The following KANSL2 variants were observed in gnomAD, a reference collection of about 807,000 sequenced individuals.
The protein encoded by KANSL2 is KAT8 regulatory NSL complex subunit 2.
Under a neutral mutation model 55.6 loss-of-function variants are expected in KANSL2, and 34 were observed. The ratio of observed to expected loss-of-function variants is 0.61; its 90% CI spans 0.46 to 0.81. The LOEUF (loss-of-function observed/expected upper bound fraction) is 0.81. KANSL2 is among the 40% of genes least tolerant of loss of function. The pLI is 0.00. For synonymous variants in KANSL2, 209 were observed against 214.3 expected, an observed-to-expected ratio of 0.98 and a Z score of 0.22; for missense variants, 502 against 609.9, an observed-to-expected ratio of 0.82 and a Z score of 1.86.
chr12:48,671,315 T>A (rs1480980205), intron 5 of KANSL2, among the ~76,000 whole-genome samples: 1 of 150,716 alleles, frequency 6.6e-6, no homozygotes, highest in Non-Finnish European at 1.5e-5. Flanking sequence ...TACAGTAAGC[T>A]AAGGGTTAAT....
intron 7 of KANSL2, among the ~76,000 whole-genome samples, chr12:48,666,442 C>G (rs946616641): frequency 8.6e-5 from 13 of 151,276 alleles, no homozygotes; most frequent in Non-Finnish European, 1.8e-4. Context: ...CCTGTAATCC[C>G]AACACTTTGG....
chr12:48,679,375 A>C (rs1565610202), intron 3 of KANSL2: 1 of 621,376 alleles, frequency 1.6e-6, no homozygotes, highest in Non-Finnish European at 2.8e-6. Flanking sequence ...CTCAAACAGA[A>C]AAATCAACTT....
At chr12:48,668,492 G>A (rs1026847417) in intron 6 of KANSL2, among the ~76,000 whole-genome samples, 1 of 152,140 alleles carries the variant, frequency 6.6e-6, no homozygotes, top group Non-Finnish European at 1.5e-5. Flanking sequence ...TGGACATAGG[G>A]AGTTCAAGAC....
intron 7 of KANSL2, chr12:48,661,282 G>T: frequency 1.4e-6 from 1 of 730,764 alleles, no homozygotes; most frequent in Non-Finnish European, 1.7e-6. Flanking sequence ...AAGGCCCATT[G>T]AAAAAAAAAA....
At chr12:48,667,883 G>C in intron 6 of KANSL2, 94 bp from the exon 7 acceptor site, 4 of 909,020 alleles carry the variant, frequency 4.4e-6, no homozygotes, top group South Asian at 3.0e-5. Flanking sequence ...CATCCTAAAG[G>C]CTAGAAATTC....
At chr12:48,681,822 G>A in intron 1 of KANSL2, 181 bp from the exon 2 acceptor site, 1 of 755,334 alleles carries the variant, frequency 1.3e-6, no homozygotes, top group Non-Finnish European at 2.3e-6. Context: ...TCCCTTTAGC[G>A]TGTCCCTCCA....
chr12:48,660,729 A>G, intron 7 of KANSL2, 110 bp from the exon 8 acceptor site: 6 of 1,104,082 alleles, frequency 5.4e-6, no homozygotes, highest in Non-Finnish European at 7.6e-6. Flanking sequence ...AAGATAAATT[A>G]CAACTACATT....
At chr12:48,669,917 C>A (rs917026576) in intron 5 of KANSL2, among the ~76,000 whole-genome samples, 9 of 152,106 alleles carry the variant, frequency 5.9e-5, no homozygotes, top group African/African-American at 2.2e-4. Context: ...AAGTCTAGCA[C>A]AGGCTGGACA....
At chr12:48,656,685 A>C in intron 8 of KANSL2, 1 of 518,052 alleles carries the variant, frequency 1.9e-6, no homozygotes, top group Non-Finnish European at 3.9e-6. Context: ...TTCGCACTGG[A>C]ATACTGAATA....
chr12:48,653,328 T>C lies in KANSL2; in HGVS notation c.*716A>G, dbSNP rs1272517665. On this transcript the variant is annotated 3_prime_UTR_variant, in exon 10 of 10. Transcript: ENST00000420613. ...CTTCTTGGGATGGAAGTATCATCTG[T>C]CCCAACTTCCCTTTCCCATCAGAGA... 1 of 152,622 alleles carries C rather than the reference T, an allele frequency of 6.6e-6. No homozygotes were observed. Among genetic ancestry groups the C allele is most frequent in the East Asian group, 1.9e-4 (1 of 5,204 alleles). The allele number at this position is 152,622 out of a possible 1,614,324, so 9.5% of individuals were successfully genotyped here.
intron 3 of KANSL2, 147 bp downstream of exon 3, chr12:48,679,508 G>T: frequency 1.5e-6 from 1 of 678,580 alleles, no homozygotes; most frequent in Admixed American, 3.0e-5. Context: ...CAAAAGAACT[G>T]GTAAACAACA....
At chr12:48,669,662 T>A (rs1297037851) in intron 5 of KANSL2, among the ~76,000 whole-genome samples, 2 of 151,632 alleles carry the variant, frequency 1.3e-5, no homozygotes, top group African/African-American at 2.4e-5. Context: ...GGACTACAGG[T>A]GCCCGCCACC....
intron 1 of KANSL2, chr12:48,681,861 G>C (rs1246260241): frequency 1.7e-5 from 12 of 705,338 alleles, no homozygotes; most frequent in Non-Finnish European, 2.8e-5. Context: ...ACCACACCAC[G>C]CTGAATGTAT....
intron 8 of KANSL2, among the ~76,000 whole-genome samples, chr12:48,657,328 G>A (rs1248614983): frequency 6.6e-6 from 1 of 152,158 alleles, no homozygotes; most frequent in Non-Finnish European, 1.5e-5. Context: ...AGGACACTGA[G>A]GCAGGAGAAT....
intron 6 of KANSL2, 62 bp downstream of exon 6, chr12:48,669,044 G>C: frequency 7.4e-7 from 1 of 1,345,558 alleles, no homozygotes; most frequent in Non-Finnish European, 9.8e-7. Flanking sequence ...ACTCCGTCTC[G>C]AAAAAATAAA....
intron 9 of KANSL2, chr12:48,654,424 C>A (rs538057649): frequency 1.1e-5 from 8 of 726,370 alleles, no homozygotes; most frequent in Non-Finnish European, 1.8e-5. Context: ...TACTGAGGTC[C>A]CAGAACAGCC....
intron 7 of KANSL2, among the ~76,000 whole-genome samples, chr12:48,666,581 T>C (rs969957789): frequency 1.3e-5 from 2 of 151,646 alleles, no homozygotes; most frequent in Non-Finnish European, 2.9e-5. Flanking sequence ...TAATCCCAGC[T>C]ACTCAGGAGG....
At chr12:48,656,678 G>A (rs371935735) in intron 8 of KANSL2, 13 of 512,428 alleles carry the variant, frequency 2.5e-5, no homozygotes, top group African/African-American at 1.8e-4. Context: ...TTGGCAATTC[G>A]CACTGGAATA....
At chr12:48,663,731 G>C (rs549476682) in intron 7 of KANSL2, among the ~76,000 whole-genome samples, 1 of 152,202 alleles carries the variant, frequency 6.6e-6, no homozygotes, top group South Asian at 2.1e-4. Context: ...GTGTTAGGAA[G>C]CTATGTTGTT....
Sources: allele counts gnomAD v4.1 joint callset (sites outside exome capture counted in the v4.1 genomes callset), GRCh38; gene constraint gnomAD v4.1.1; transcripts MANE v1.5; gene names NCBI Gene and HGNC (gene_info 2026-07-23, HGNC 2026-07-21).